The following ITPK1 variants were observed in gnomAD, a reference collection of about 807,000 sequenced individuals.
ITPK1 encodes inositol-tetrakisphosphate 1-kinase.
In ITPK1, 21 loss-of-function variants were observed where a neutral mutation model predicts 45.3. The ratio of observed to expected loss-of-function variants is 0.46; its 90% CI spans 0.33 to 0.67. The LOEUF is 0.67. ITPK1 is among the 30% of genes least tolerant of loss of function. The probability of loss-of-function intolerance (pLI) is 0.02; values close to 1 mark genes in which losing one functional copy is unlikely to be tolerated. For missense variants in ITPK1, 474 were observed against 573.5 expected (o/e 0.83, Z 1.77); for synonymous variants, 258 against 253.6 (o/e 1.02, Z -0.16).
intron 3 of ITPK1, among the ~76,000 whole-genome samples, chr14:93,064,386 A>G (rs1890662030): frequency 6.6e-6 from 1 of 152,156 alleles, no homozygotes; most frequent in Admixed American, 6.5e-5. Context: ...TGGCCTCTCA[A>G]AGTGTTGGGA....
chr14:93,038,057 C>CT (rs545277358), intron 3 of ITPK1, among the ~76,000 whole-genome samples: 2,167 of 146,270 alleles, frequency 0.015, 36 homozygotes, highest in African/African-American at 0.046. Flanking sequence ...ATGACATATT[C>CT]TTTTTTTTTT....
chr14:93,031,599 T>C (rs1487262653), intron 3 of ITPK1, among the ~76,000 whole-genome samples: 1 of 152,086 alleles, frequency 6.6e-6, no homozygotes, highest in Admixed American at 6.5e-5. Flanking sequence ...TTCCCTTGTC[T>C]GGAAGCTGGG....
rs1887307942 is a variant in ITPK1, at chr14:92,940,498, A to G, written c.*1063T>C. On this transcript the variant is annotated 3_prime_UTR_variant, in exon 11 of 11. Transcript: ENST00000267615. The stretch of plus-strand genomic sequence containing the variant: ...GCTGGCTCAGTGCTTGGGGCTTGCA[A>G]TGAGAGGTGGACCAGGCCTGCTGGG... The G allele has an allele frequency of 8.7e-7, 1 of 1,145,038 alleles. No homozygotes were observed. The highest frequency in any genetic ancestry group is 1.6e-5 in the African/African-American group (1 of 60,700). The allele number at this position is 1,145,038 out of a possible 1,614,324, so 70.9% of individuals were successfully genotyped here.
chr14:93,052,797 C>A (rs1890070082), intron 3 of ITPK1, among the ~76,000 whole-genome samples: 1 of 152,196 alleles, frequency 6.6e-6, no homozygotes, highest in Non-Finnish European at 1.5e-5. Flanking sequence ...TCACTCAGAA[C>A]TGGGAAAGGG....
chr14:93,111,162 T>C (rs957159329), intron 2 of ITPK1, among the ~76,000 whole-genome samples: 9 of 152,130 alleles, frequency 5.9e-5, no homozygotes, highest in Admixed American at 5.9e-4. Context: ...ACCCAAATTT[T>C]ATATGGAAAG....
chr14:93,115,858 C>T lies in ITPK1; in HGVS notation c.-229G>A, dbSNP rs1448365173. On this transcript the variant is annotated 5_prime_UTR_variant, in exon 1 of 11. Transcript: ENST00000267615. ...GCGGCGGCGAGCGCCCGCGCACTCG[C>T]CGCCCCTGCCCGCCGCCGCCCCGCG... is the stretch of plus-strand genomic sequence containing the variant. The T allele has an allele frequency of 6.8e-6, 1 of 146,556 alleles. No individual in the cohort carries two copies. Among genetic ancestry groups the T allele is most frequent in the East Asian group, 2.0e-4 (1 of 5,042 alleles). 9.1% of individuals were successfully genotyped at this position (146,556 alleles called of 1,614,324 possible).
At chr14:92,982,482 G>A (rs1478766537) in intron 5 of ITPK1, among the ~76,000 whole-genome samples, 1 of 152,136 alleles carries the variant, frequency 6.6e-6, no homozygotes, top group Non-Finnish European at 1.5e-5. Flanking sequence ...AGCAAGGGTG[G>A]GGACCTCAGT....
At position 92,964,917 on chromosome 14, in the gene ITPK1, C is replaced by T. The variant is rs552211090; in HGVS notation, c.365-2068G>A. 8.9e-4 allele frequency among the ~76,000 whole-genome samples: 135 copies of T among 152,336 alleles called. 2 individuals are homozygous for T. The highest frequency in any genetic ancestry group is 1.4e-3 in the Non-Finnish European group (97 of 68,034). On this transcript the variant is annotated intron_variant, in intron 5 of 10. Coordinates refer to ENST00000267615, the MANE Select transcript of ITPK1 (RefSeq NM_014216.6). ...GTGTTCCATGCCAGAAACTGTTCAA[C>T]GTAGTTACACAGTAACTCATTTACC...
chr14:93,098,413 C>T (rs1318358233), intron 2 of ITPK1, among the ~76,000 whole-genome samples: 5 of 151,522 alleles, frequency 3.3e-5, no homozygotes, highest in African/African-American at 7.3e-5. Flanking sequence ...GCCGAGATCA[C>T]GCTGCCGCAC....
chr14:93,059,464 A>C (rs1595177448), intron 3 of ITPK1, among the ~76,000 whole-genome samples: 1 of 65,348 alleles, frequency 1.5e-5, no homozygotes, highest in Non-Finnish European at 2.9e-5. Context: ...AGTGCAGGTC[A>C]CGAGGCAGGG....
At chr14:93,059,757 G>A (rs1302830478) in intron 3 of ITPK1, among the ~76,000 whole-genome samples, 2 of 68,192 alleles carry the variant, frequency 2.9e-5, no homozygotes, top group Non-Finnish European at 5.9e-5. Flanking sequence ...TGCGGGTCAC[G>A]AGGCAGGGGT....
At chr14:93,029,471 G>C (rs1242065091) in intron 3 of ITPK1, among the ~76,000 whole-genome samples, 1 of 152,068 alleles carries the variant, frequency 6.6e-6, no homozygotes, top group Non-Finnish European at 1.5e-5. Flanking sequence ...GAAAAATAAA[G>C]CCGTCTCTGG....
intron 2 of ITPK1, among the ~76,000 whole-genome samples, chr14:93,098,183 G>A (rs984377218): frequency 4.9e-4 from 74 of 151,882 alleles, no homozygotes; most frequent in African/African-American, 1.3e-3. Context: ...ATGGCCGGGT[G>A]CGGTGGTTCA....
intron 4 of ITPK1, among the ~76,000 whole-genome samples, 165 bp from the exon 5 acceptor site, chr14:92,994,162 A>C (rs1886933092): frequency 6.6e-6 from 1 of 152,230 alleles, no homozygotes; most frequent in Admixed American, 6.5e-5. Flanking sequence ...AGTCACCTGG[A>C]GATCTGAGAG....
intron 5 of ITPK1, among the ~76,000 whole-genome samples, chr14:92,985,681 G>T (rs1416110256): frequency 6.6e-6 from 1 of 152,052 alleles, no homozygotes; most frequent in Admixed American, 6.6e-5. Flanking sequence ...GCCTGGCAGG[G>T]TCTGGTCTCA....
In ITPK1 at chr14:93,012,139, C is replaced by G. The variant is rs931834951; in HGVS notation, c.246+4537G>C. ...AGGCCGCCCCAGCGCATGACCAGCA[C>G]TGGGCATGCGCCGCCACCCAAACAC... On this transcript the variant is annotated intron_variant, in intron 4 of 10. Transcript: ENST00000267615. The surrounding 1 kb of genome is among the most constrained non-coding windows in gnomAD (Gnocchi z 4.9). Among the ~76,000 whole-genome samples the G allele has an allele frequency of 2.0e-5, 3 of 152,070 alleles. No homozygotes were observed. Among genetic ancestry groups the G allele is most frequent in the Non-Finnish European group, 4.4e-5 (3 of 68,018 alleles).
At chr14:93,019,417 G>A (rs905493972) in intron 3 of ITPK1, among the ~76,000 whole-genome samples, 5 of 152,214 alleles carry the variant, frequency 3.3e-5, no homozygotes, top group African/African-American at 7.2e-5. Flanking sequence ...CATCCCCGGC[G>A]CTCCACTGAA....
chr14:92,948,863 C>T (rs1413407719), intron 9 of ITPK1, among the ~76,000 whole-genome samples: 4 of 151,442 alleles, frequency 2.6e-5, no homozygotes, highest in Non-Finnish European at 5.9e-5. Flanking sequence ...GCCGCCCACG[C>T]TCCGAGGGAC....
chr14:93,028,676 C>G, intron 3 of ITPK1, among the ~76,000 whole-genome samples: 1 of 152,244 alleles, frequency 6.6e-6, no homozygotes, highest in East Asian at 1.9e-4. Context: ...CCTGCAGGCA[C>G]CTCCCCAAGC....
Sources: gnomAD v4.1 joint callset for allele counts (sites outside exome capture counted in the v4.1 genomes callset) on GRCh38, gnomAD v4.1.1 for gene constraint, Gnocchi (gnomAD v3.1) non-coding constraint, MANE v1.5 for transcripts, NCBI Gene and HGNC (gene_info 2026-07-23, HGNC 2026-07-21) for gene names.